HSPA9: variants seen among roughly 807,000 people sequenced by gnomAD.
HSPA9 encodes the protein heat shock protein family A (Hsp70) member 9.
In HSPA9, 28 loss-of-function variants were observed where a neutral mutation model predicts 81.5. That is an observed-to-expected ratio of 0.34 (90% CI 0.25 to 0.47). The LOEUF (loss-of-function observed/expected upper bound fraction) is 0.47, where lower values mean the gene tolerates loss of function less well. Among genes scored for constraint, HSPA9 ranks in the 20% least tolerant of loss-of-function variants. The pLI, the probability that HSPA9 is intolerant of heterozygous loss-of-function variation, is 1.00. For synonymous variants in HSPA9, 293 were observed against 290.4 expected, an observed-to-expected ratio of 1.01 and a Z score of -0.09; for missense variants, 678 against 838.0, an observed-to-expected ratio of 0.81 and a Z score of 2.36.
In HSPA9 at chr5:138,567,447, A is replaced by C; in HGVS notation, c.716+8T>G. 1 of 1,607,544 alleles carries C rather than the reference A, an allele frequency of 6.2e-7. No homozygotes were observed. The stretch of plus-strand genomic sequence containing the variant: ...CATCCAGGTGAGAAATTTACTGCAC[A>C]AACTTACACTTTGTCTTCTGATTTG... On this transcript the variant is annotated splice_region_variant and intron_variant, in intron 7 of 16. Transcript: ENST00000297185.
intron 1 of HSPA9, chr5:138,574,883 G>T: frequency 2.7e-6 from 1 of 365,264 alleles, no homozygotes; most frequent in South Asian, 3.4e-5. Flanking sequence ...GTATTCTGTA[G>T]AGGAGCCAAA....
rs1173718416 is a variant in HSPA9 at position 138,571,091 on chromosome 5, A to T, written c.279T>A (p.Phe93Leu). Residue 93 changes from phenylalanine to leucine, a missense_variant, in exon 4 of 17, where the codon TTT (phenylalanine) becomes TTA (leucine). Physicochemically the swap from Phe to Leu is conservative, Grantham distance 22. Transcript: ENST00000297185. Reference protein sequence around the residue: ...GARTTPSVVAFTADGERLVGM... With the variant: ...GARTTPSVVALTADGERLVGM... The stretch of plus-strand genomic sequence containing the variant: ...CAACAAGTCGCTCACCATCTGCTGT[A>T]AAGGCCACAACTGAAGGGGTGGTTC... 6.2e-7 allele frequency: 1 copy of T among 1,614,162 alleles called. No individual in the cohort carries two copies. The highest frequency in any genetic ancestry group is 1.7e-5 in the Admixed American group (1 of 60,010).
In HSPA9 at chr5:138,553,826, TTGTC is replaced by T. The variant is rs1561854950; in HGVS notation, c.*2207_*2210del. 6.6e-6 allele frequency among the ~76,000 whole-genome samples: 1 copy of T among 152,206 alleles called. No homozygotes were observed. Among genetic ancestry groups the T allele is most frequent in the African/African-American group, 2.4e-5 (1 of 41,456 alleles). On this transcript the variant is annotated 3_prime_UTR_variant, in exon 17 of 17. Transcript: ENST00000297185. ...TGATGCCATTTAACGGGTTAAACAT[TTGTC>T]TCTCTCCAGAAGAGATTAGTATTGA... is the stretch of plus-strand genomic sequence containing the variant.
intron 9 of HSPA9, among the ~76,000 whole-genome samples, chr5:138,562,316 G>A (rs1185324608): frequency 8.0e-5 from 12 of 150,438 alleles, no homozygotes; most frequent in African/African-American, 2.7e-4. Flanking sequence ...TTGGGAGGGC[G>A]AGGCGGGTGG....
At chr5:138,560,187 C>A (rs1330388547) in intron 10 of HSPA9, 96 bp from the exon 11 acceptor site, 9 of 829,126 alleles carry the variant, frequency 1.1e-5, no homozygotes, top group Non-Finnish European at 1.8e-5. Flanking sequence ...AGCCAGATCT[C>A]AAGACAGGCT....
chr5:138,571,912 T>C (rs533815716), intron 3 of HSPA9, among the ~76,000 whole-genome samples: 1 of 150,360 alleles, frequency 6.7e-6, no homozygotes, highest in African/African-American at 2.5e-5. Flanking sequence ...TCCGCCCACC[T>C]TGGCCTCCCA....
chr5:138,568,288 C>T (rs569609321), intron 5 of HSPA9, among the ~76,000 whole-genome samples: 5 of 152,052 alleles, frequency 3.3e-5, no homozygotes, highest in South Asian at 2.1e-4. Flanking sequence ...CCTGATTTGT[C>T]GGGAGTTGGA....
chr5:138,568,054 G>T (rs1750802267), intron 5 of HSPA9, among the ~76,000 whole-genome samples: 1 of 152,000 alleles, frequency 6.6e-6, no homozygotes, highest in African/African-American at 2.4e-5. Context: ...GCATGGTGGC[G>T]CATGCCTGTC....
At chr5:138,568,859 G>C (rs1022010809) in intron 5 of HSPA9, 66 bp downstream of exon 5, 4 of 1,545,418 alleles carry the variant, frequency 2.6e-6, no homozygotes, top group Non-Finnish European at 3.6e-6. Flanking sequence ...GGAGCACAGG[G>C]AGCTAGTGAT....
chr5:138,573,320 T>C (rs555467157), intron 3 of HSPA9, among the ~76,000 whole-genome samples: 3 of 152,288 alleles, frequency 2.0e-5, no homozygotes, highest in African/African-American at 7.2e-5. Flanking sequence ...TGAGCCATTA[T>C]GCCCGGTCAG....
intron 10 of HSPA9, among the ~76,000 whole-genome samples, chr5:138,560,564 C>CT (rs34922898): frequency 0.37 from 50,053 of 134,998 alleles, 8,965 homozygotes; most frequent in East Asian, 0.66. Flanking sequence ...TTTTCTTCTT[C>CT]TTTTTTTTTT....
Position 138,567,033 on chromosome 5 carries a change from G to T in HSPA9, c.847C>A (p.Leu283Ile), listed in dbSNP as rs765079858. The T allele has an allele frequency of 6.2e-7, 1 of 1,612,416 alleles. No homozygotes were observed. The highest frequency in any genetic ancestry group is 8.5e-7 in the Non-Finnish European group (1 of 1,179,202). The change falls in exon 8 of 17, where the codon CTA becomes ATA. Residue 283 changes from leucine to isoleucine, a missense_variant. This residue lies in a region of HSPA9 where 484 missense variants were observed against 647.5 expected (regional missense o/e 0.75). Transcript: ENST00000297185. ...TTGAACTCCTTCACAATGTGCCGTA[G>T]CAAGGCCTGGTCAAAGTCTTCCCCA... ...LGGEDFDQAL[L>I]RHIVKEFKRE...
intron 9 of HSPA9, among the ~76,000 whole-genome samples, chr5:138,566,026 T>C (rs759061370): frequency 6.6e-6 from 1 of 151,738 alleles, no homozygotes; most frequent in African/African-American, 2.4e-5. Flanking sequence ...GTCTGTACTA[T>C]AAATACAAAA....
chr5:138,560,750 G>T, intron 10 of HSPA9: 1 of 325,234 alleles, frequency 3.1e-6, no homozygotes, highest in Non-Finnish European at 6.1e-6. Context: ...GGGTTTCACC[G>T]TGTTAGCCAG....
chr5:138,558,506 A>C (rs1750581722), intron 12 of HSPA9, 47 bp downstream of exon 12: 1 of 1,178,556 alleles, frequency 8.5e-7, no homozygotes, highest in Non-Finnish European at 1.3e-6. Flanking sequence ...ATATTATCTC[A>C]CTTTACAGTG....
At chr5:138,557,293 G>A (rs569042014) in intron 14 of HSPA9, 109 bp downstream of exon 14, 2 of 792,528 alleles carry the variant, frequency 2.5e-6, no homozygotes, top group Admixed American at 4.0e-5. Flanking sequence ...TTGGCAGTGG[G>A]CTTACAGTGC....
At chr5:138,563,584 C>T (rs905296383) in intron 9 of HSPA9, among the ~76,000 whole-genome samples, 1 of 152,220 alleles carries the variant, frequency 6.6e-6, no homozygotes, top group Non-Finnish European at 1.5e-5. Context: ...CCACTCTACT[C>T]CAGCCAAAGG....
intron 11 of HSPA9, 35 bp from the exon 12 acceptor site, chr5:138,558,692 T>G (rs1406688988): frequency 1.4e-5 from 17 of 1,250,936 alleles, no homozygotes; most frequent in Non-Finnish European, 1.9e-5. Flanking sequence ...GTTGTCAATG[T>G]GATTAACCTA....
Position 138,555,753 on chromosome 5 carries a change from A to G in HSPA9, c.*284T>C. 2 of 459,700 alleles carry G rather than the reference A, an allele frequency of 4.4e-6. No individual in the cohort carries two copies. The highest frequency in any genetic ancestry group is 7.9e-6 in the Non-Finnish European group (2 of 252,402). 28.5% of individuals were successfully genotyped at this position (459,700 alleles called of 1,614,324 possible). A position where few individuals can be genotyped will look rare whatever the true frequency, so the allele number is the denominator to read the frequency against. On this transcript the variant is annotated 3_prime_UTR_variant, in exon 17 of 17. Transcript: ENST00000297185. The stretch of plus-strand genomic sequence containing the variant: ...GAAAATATGGTCACTTCAGCATAAA[A>G]TAGTTAAATCTTTATAATGATCAAT...
Sources: allele counts gnomAD v4.1 joint callset (sites outside exome capture counted in the v4.1 genomes callset), GRCh38; gene constraint gnomAD v4.1.1; regional missense constraint gnomAD v4.1.1; transcripts MANE v1.5; gene names NCBI Gene and HGNC (gene_info 2026-07-23, HGNC 2026-07-21).